The following ZNF248 variants were observed in gnomAD, a reference collection of about 807,000 sequenced individuals.
ZNF248 encodes KRAB protein domain.
A neutral mutation model predicts 44.3 loss-of-function variants in ZNF248; 20 were observed. That is an observed-to-expected ratio of 0.45 (90% CI 0.32 to 0.66). The LOEUF is 0.66. Ranked by LOEUF, ZNF248 falls within the 30% of genes least tolerant of loss-of-function variation. The pLI, the probability that ZNF248 is intolerant of heterozygous loss-of-function variation, is 0.04. For missense variants in ZNF248, 654 were observed against 677.0 expected (o/e 0.97, Z 0.38); for synonymous variants, 224 against 229.0 (o/e 0.98, Z 0.20).
At chr10:37,780,671 G>T (rs1797388399) in intron 6 of ZNF248, among the ~76,000 whole-genome samples, 1 of 152,178 alleles carries the variant, frequency 6.6e-6, no homozygotes, top group Non-Finnish European at 1.5e-5. Context: ...CGCCCTTCCA[G>T]GGCCAAGGCG....
chr10:37,787,462 T>C (rs2133001923), intron 6 of ZNF248, among the ~76,000 whole-genome samples: 1 of 152,088 alleles, frequency 6.6e-6, no homozygotes, highest in Non-Finnish European at 1.5e-5. Context: ...GGTCAACTGA[T>C]CTTTTTTCCT....
chr10:37,781,561 C>T (rs2047323568), intron 6 of ZNF248, among the ~76,000 whole-genome samples: 2 of 152,182 alleles, frequency 1.3e-5, no homozygotes, highest in Admixed American at 6.5e-5. Context: ...CACCCCTTAG[C>T]CGTTAATTCA....
At chr10:37,825,224 AAAT>A (rs2054189309), downstream of ZNF248, among the ~76,000 whole-genome samples, 1 of 152,190 alleles carries the variant, frequency 6.6e-6, no homozygotes, top group Non-Finnish European at 1.5e-5. Context: ...AGCTATTATA[AAAT>A]GATGAGCACC....
intron 6 of ZNF248, chr10:37,794,188 G>A (rs1461071252): frequency 6.6e-6 from 1 of 152,190 alleles, no homozygotes; most frequent in Non-Finnish European, 1.5e-5. Context: ...CGCTATGTGT[G>A]CTATCTGATG....
intron 6 of ZNF248, among the ~76,000 whole-genome samples, chr10:37,776,812 T>C (rs2046622577): frequency 1.3e-5 from 2 of 152,086 alleles, no homozygotes; most frequent in Non-Finnish European, 2.9e-5. Flanking sequence ...ATTTCAGGAA[T>C]ACAAGATGGT....
intron 3 of ZNF248, among the ~76,000 whole-genome samples, chr10:37,842,117 G>C (rs559907423): frequency 6.6e-6 from 1 of 152,276 alleles, no homozygotes; most frequent in South Asian, 2.1e-4. Flanking sequence ...TAATGAAACT[G>C]TGTCTATGGG....
chr10:37,812,966 A>G (rs1292304517), intron 6 of ZNF248, among the ~76,000 whole-genome samples: 1 of 150,952 alleles, frequency 6.6e-6, no homozygotes, highest in Admixed American at 6.7e-5. Context: ...ATGACTTCAC[A>G]GAATTTATGA....
At chr10:37,762,575 G>T in the ZNF248 span, among the ~76,000 whole-genome samples, 2 of 152,142 alleles carry the variant, frequency 1.3e-5, no homozygotes, top group East Asian at 3.9e-4. Flanking sequence ...GGGATGGGGG[G>T]TTAAGAAAAG....
At chr10:37,764,794 TTACTA>T in the ZNF248 span, among the ~76,000 whole-genome samples, 2 of 152,210 alleles carry the variant, frequency 1.3e-5, no homozygotes, top group African/African-American at 2.4e-5. Flanking sequence ...TATAGGATGT[TTACTA>T]TATTCTCTAT....
chr10:37,825,512 C>T (rs1297346509), downstream of ZNF248, among the ~76,000 whole-genome samples: 1 of 152,154 alleles, frequency 6.6e-6, no homozygotes, highest in Non-Finnish European at 1.5e-5. Flanking sequence ...AATCATACCT[C>T]ACTGCAGCCT....
At chr10:37,856,611 G>A (rs1045428633) in intron 1 of ZNF248, 79 bp from the exon 2 acceptor site, 23 of 1,071,288 alleles carry the variant, frequency 2.1e-5, no homozygotes, top group Non-Finnish European at 2.6e-5. Context: ...AACACTATGG[G>A]TTTGTCAAAA....
intron 6 of ZNF248, among the ~76,000 whole-genome samples, chr10:37,818,080 T>A (rs2052827722): frequency 6.6e-6 from 1 of 152,036 alleles, no homozygotes; most frequent in African/African-American, 2.4e-5. Flanking sequence ...CAAGCCTGGC[T>A]AATTTTTTTG....
the ZNF248 span, among the ~76,000 whole-genome samples, chr10:37,759,919 C>G: frequency 6.6e-6 from 1 of 152,134 alleles, no homozygotes; most frequent in Non-Finnish European, 1.5e-5. Flanking sequence ...GTGGAAGAAC[C>G]GCTAGGCAGG....
intron 6 of ZNF248, among the ~76,000 whole-genome samples, chr10:37,823,269 G>A (rs1429722282): frequency 1.4e-5 from 2 of 141,960 alleles, no homozygotes; most frequent in Non-Finnish European, 3.0e-5. Context: ...GGGAGGCGGA[G>A]GTTGCAGTGA....
intron 6 of ZNF248, among the ~76,000 whole-genome samples, chr10:37,782,451 T>G (rs2047421123): frequency 6.6e-6 from 1 of 151,944 alleles, no homozygotes; most frequent in African/African-American, 2.4e-5. Flanking sequence ...GATATGAATT[T>G]TGGTGGGGGT....
chr10:37,838,398 T>C (rs918294906), intron 3 of ZNF248, among the ~76,000 whole-genome samples: 2 of 152,190 alleles, frequency 1.3e-5, no homozygotes, highest in African/African-American at 4.8e-5. Context: ...ATTTATTAAG[T>C]TGCAAACTGC....
Position 37,852,482 on chromosome 10 carries a change from T to C in ZNF248, c.15+3814A>G, listed in dbSNP as rs116620570. 1.5e-3 allele frequency among the ~76,000 whole-genome samples: 222 copies of C among 151,702 alleles called. 1 individual carries two copies. The highest frequency in any genetic ancestry group is 5.2e-3 in the African/African-American group (215 of 41,378). The stretch of plus-strand genomic sequence containing the variant: ...AGGGAGGAGTAGGGGTTGGCTGGGG[T>C]TGGGGAATGACAGGGCCAGGATGGA... On this transcript the variant is annotated intron_variant, in intron 3 of 5. Coordinates refer to ENST00000395867, the MANE Select transcript of ZNF248 (RefSeq NM_021045.3).
chr10:37,788,548 G>A (rs1019167116), intron 6 of ZNF248, among the ~76,000 whole-genome samples: 15 of 152,160 alleles, frequency 9.9e-5, no homozygotes, highest in African/African-American at 3.6e-4. Context: ...TTAAGCCTGG[G>A]AGGTGGAGGT....
intron 6 of ZNF248, among the ~76,000 whole-genome samples, chr10:37,776,825 T>C (rs755087954): frequency 1.3e-5 from 2 of 152,140 alleles, no homozygotes; most frequent in Non-Finnish European, 1.5e-5. Flanking sequence ...AAGATGGTTT[T>C]AGGTAGGGTG....
Sources: gnomAD v4.1 joint callset for allele counts (sites outside exome capture counted in the v4.1 genomes callset) on GRCh38, gnomAD v4.1.1 for gene constraint, MANE v1.5 for transcripts, NCBI Gene and HGNC (gene_info 2026-07-23, HGNC 2026-07-21) for gene names.